Variants in PPFIA2 observed in about 807,000 individuals in gnomAD.
PPFIA2 encodes the protein liprin-alpha-2.
PPFIA2 carries 46 observed loss-of-function variants against 175.5 expected under a neutral mutation model. That is an observed-to-expected ratio of 0.26 (90% CI 0.21 to 0.34). The LOEUF is 0.34. Ranked by LOEUF, PPFIA2 falls within the 10% of genes least tolerant of loss-of-function variation. The pLI is 1.00. For missense variants in PPFIA2, 1,179 were observed against 1,506.1 expected, an observed-to-expected ratio of 0.78 and a Z score of 3.60; for synonymous variants, 568 against 511.4, an observed-to-expected ratio of 1.11 and a Z score of -1.49.
intron 4 of PPFIA2, among the ~76,000 whole-genome samples, chr12:81,621,528 T>C (rs2062040191): frequency 6.6e-6 from 1 of 152,186 alleles, no homozygotes. Context: ...GAACAGTGGA[T>C]GCAGAGGGTT....
intron 4 of PPFIA2, chr12:81,512,335 T>C: frequency 7.8e-7 from 1 of 1,288,762 alleles, no homozygotes; most frequent in Non-Finnish European, 1.0e-6. Context: ...CACTGCTATC[T>C]CTTATGTACC....
intron 3 of PPFIA2, among the ~76,000 whole-genome samples, chr12:81,738,026 A>C (rs2081849052): frequency 6.6e-6 from 1 of 151,834 alleles, no homozygotes; most frequent in Non-Finnish European, 1.5e-5. Context: ...CACTAAGAAG[A>C]AAAAAAGGAA....
intron 3 of PPFIA2, among the ~76,000 whole-genome samples, chr12:81,679,857 A>C (rs1336139055): frequency 6.6e-6 from 1 of 151,976 alleles, no homozygotes; most frequent in African/African-American, 2.4e-5. Flanking sequence ...ATAAGTGTGC[A>C]TGGATACATT....
intron 22 of PPFIA2, among the ~76,000 whole-genome samples, chr12:81,320,993 A>G (rs189282464): frequency 6.6e-6 from 1 of 152,112 alleles, no homozygotes; most frequent in Admixed American, 6.6e-5. Flanking sequence ...AAAACATTTG[A>G]ATAGACACCT....
intron 7 of PPFIA2, among the ~76,000 whole-genome samples, chr12:81,416,160 GC>G (rs1358871784): frequency 6.6e-6 from 1 of 151,484 alleles, no homozygotes; most frequent in African/African-American, 2.4e-5. Flanking sequence ...AAGAAAAATA[GC>G]CAAGGAAGCT....
At chr12:81,325,692 C>T in intron 22 of PPFIA2, 85 bp downstream of exon 22, 2 of 1,002,200 alleles carry the variant, frequency 2.0e-6, no homozygotes, top group Non-Finnish European at 3.0e-6. Flanking sequence ...TCTTTTGTTT[C>T]CAACCACTCT....
At chr12:81,399,792 A>G (rs572868384) in intron 8 of PPFIA2, among the ~76,000 whole-genome samples, 1 of 152,276 alleles carries the variant, frequency 6.6e-6, no homozygotes, top group African/African-American at 2.4e-5. Flanking sequence ...TCAAGTCGTT[A>G]TGTTTTGTAA....
At chr12:81,498,845 G>A (rs917839231) in intron 4 of PPFIA2, among the ~76,000 whole-genome samples, 5 of 152,000 alleles carry the variant, frequency 3.3e-5, no homozygotes, top group Non-Finnish European at 7.4e-5. Flanking sequence ...GGCTAGTCTC[G>A]AACTACTGAC....
At chr12:81,689,448 A>T (rs2074952761) in intron 3 of PPFIA2, among the ~76,000 whole-genome samples, 1 of 152,062 alleles carries the variant, frequency 6.6e-6, no homozygotes, top group Non-Finnish European at 1.5e-5. Context: ...TGTTTATAAT[A>T]CCAAATAATA....
At chr12:81,403,010 G>T (rs1202436946) in intron 8 of PPFIA2, among the ~76,000 whole-genome samples, 2 of 151,768 alleles carry the variant, frequency 1.3e-5, no homozygotes, top group Non-Finnish European at 2.9e-5. Flanking sequence ...ACACATTTTA[G>T]GTTTACACCA....
At chr12:81,330,800 A>G (rs1004293251) in intron 21 of PPFIA2, among the ~76,000 whole-genome samples, 8 of 152,200 alleles carry the variant, frequency 5.3e-5, no homozygotes, top group Non-Finnish European at 8.8e-5. Context: ...CATGGTTTGT[A>G]TTAAAACACA....
At chr12:81,451,008 G>A (rs1169066229) in intron 5 of PPFIA2, among the ~76,000 whole-genome samples, 1 of 152,110 alleles carries the variant, frequency 6.6e-6, no homozygotes, top group East Asian at 1.9e-4. Context: ...ATGTATGTAA[G>A]TCCAGAAACC....
intron 4 of PPFIA2, among the ~76,000 whole-genome samples, chr12:81,478,872 G>A (rs2057826202): frequency 6.6e-6 from 1 of 152,136 alleles, no homozygotes; most frequent in East Asian, 1.9e-4. Flanking sequence ...GCGATGTGGT[G>A]CTGAGAAGAA....
At chr12:81,633,991 T>C (rs1319597984) in intron 4 of PPFIA2, among the ~76,000 whole-genome samples, 1 of 152,056 alleles carries the variant, frequency 6.6e-6, no homozygotes, top group Non-Finnish European at 1.5e-5. Context: ...TCAAAAGCAC[T>C]CTCTTGTGTT....
At chr12:81,659,077 C>T (rs112529117) in intron 4 of PPFIA2, among the ~76,000 whole-genome samples, 21 of 152,106 alleles carry the variant, frequency 1.4e-4, no homozygotes, top group South Asian at 2.1e-4. Flanking sequence ...AACAGTACAA[C>T]GGAGGGCGGT....
chr12:81,370,566 C>T (rs2034817549), intron 11 of PPFIA2, among the ~76,000 whole-genome samples: 1 of 151,820 alleles, frequency 6.6e-6, no homozygotes, highest in African/African-American at 2.4e-5. Context: ...AGGGGCCAAT[C>T]CCAAACTGTT....
At chr12:81,462,658 T>G (rs908075403) in intron 4 of PPFIA2, among the ~76,000 whole-genome samples, 1 of 147,546 alleles carries the variant, frequency 6.8e-6, no homozygotes, top group Non-Finnish European at 1.5e-5. Flanking sequence ...ATTCAGAAAA[T>G]CTTCTCTGAT....
At chr12:81,459,340 A>G (rs2054127150) in intron 4 of PPFIA2, among the ~76,000 whole-genome samples, 1 of 152,182 alleles carries the variant, frequency 6.6e-6, no homozygotes, top group African/African-American at 2.4e-5. Context: ...GATAGAGAAA[A>G]GAAGTGATAC....
At chr12:81,702,805 G>A (rs1237153058) in intron 3 of PPFIA2, among the ~76,000 whole-genome samples, 1 of 152,118 alleles carries the variant, frequency 6.6e-6, no homozygotes, top group Non-Finnish European at 1.5e-5. Context: ...ATATGATTAT[G>A]AGGGTGAAGC....
Sources: allele counts gnomAD v4.1 joint callset (sites outside exome capture counted in the v4.1 genomes callset), GRCh38; gene constraint gnomAD v4.1.1; transcripts MANE v1.5; gene names NCBI Gene and HGNC (gene_info 2026-07-23, HGNC 2026-07-21).